EGFR: variants seen among roughly 807,000 people sequenced by gnomAD.
EGFR encodes epidermal growth factor receptor, also known as avian erythroblastic leukemia viral (v-erb-b) oncogene homolog.
In EGFR, 58 loss-of-function variants were observed where a neutral mutation model predicts 143.0. The observed-to-expected ratio is 0.41, with a 90% confidence interval of 0.33 to 0.50. The LOEUF is 0.50. Among genes scored for constraint, EGFR ranks in the 20% least tolerant of loss-of-function variants. The probability of loss-of-function intolerance (pLI) is 0.39; values close to 1 mark genes in which losing one functional copy is unlikely to be tolerated. For missense variants in EGFR, 1,307 were observed against 1,579.0 expected, an observed-to-expected ratio of 0.83 and a Z score of 2.92; for synonymous variants, 613 against 594.4, an observed-to-expected ratio of 1.03 and a Z score of -0.45.
intron 19 of EGFR, chr7:55,180,433 G>T (rs1786807007): frequency 6.6e-6 from 1 of 152,264 alleles, no homozygotes. Flanking sequence ...CTGTATTTAT[G>T]GCTCTGTCAA....
rs139975065 is a variant in EGFR at position 55,071,878 on chromosome 7, C to A, written c.88+52513C>A. On this transcript the variant is annotated intron_variant, in intron 1 of 27. Transcript: ENST00000275493. Reference sequence around the variant, plus strand: ...AGAATGTAGCTTATCTCTTTAAAGACAATTAACACAGTTTCTGGGCAAGGC... The same window carrying A: ...AGAATGTAGCTTATCTCTTTAAAGAAAATTAACACAGTTTCTGGGCAAGGC... Among the ~76,000 whole-genome samples the A allele has an allele frequency of 1.8e-3, 269 of 152,310 alleles. 1 individual carries two copies. Among genetic ancestry groups the A allele is most frequent in the African/African-American group, 6.2e-3 (258 of 41,572 alleles).
intron 1 of EGFR, among the ~76,000 whole-genome samples, chr7:55,031,764 T>A (rs1366312015): frequency 6.6e-6 from 1 of 152,220 alleles, no homozygotes; most frequent in African/African-American, 2.4e-5. Context: ...ATGGAGCCGA[T>A]GAGAATTGGG....
chr7:55,177,688 G>T (rs1446887761), intron 19 of EGFR, among the ~76,000 whole-genome samples: 1 of 152,186 alleles, frequency 6.6e-6, no homozygotes, highest in African/African-American at 2.4e-5. Flanking sequence ...CAGCAGTTAG[G>T]ACAAAATAAC....
At chr7:55,174,890 C>A in intron 19 of EGFR, 70 bp downstream of exon 19, 1 of 1,224,496 alleles carries the variant, frequency 8.2e-7, no homozygotes, top group Non-Finnish European at 1.2e-6. Context: ...TCATGTCTGG[C>A]AGCTGCTCTG....
At chr7:55,126,998 T>G (rs1437068666) in intron 1 of EGFR, among the ~76,000 whole-genome samples, 1 of 152,160 alleles carries the variant, frequency 6.6e-6, no homozygotes, top group Non-Finnish European at 1.5e-5. Flanking sequence ...TTGGGGGCAG[T>G]GCAAGTGTAT....
chr7:55,080,702 C>G lies in EGFR; in HGVS notation c.88+61337C>G, dbSNP rs754628138. Among the ~76,000 whole-genome samples, 227 of 152,150 alleles carry G rather than the reference C, an allele frequency of 1.5e-3. 1 individual carries two copies. Among genetic ancestry groups the G allele is most frequent in the Non-Finnish European group, 2.5e-3 (172 of 67,994 alleles). On this transcript the variant is annotated intron_variant, in intron 1 of 27. Coordinates refer to ENST00000275493, the MANE Select transcript of EGFR (RefSeq NM_005228.5). ...GAGTAGATTTTAAGTGTTCTCACCA[C>G]ACCAAAAAAAGGTATGTGCAGTAAT...
chr7:55,182,693 A>G (rs190311063), intron 20 of EGFR, among the ~76,000 whole-genome samples: 59 of 152,248 alleles, frequency 3.9e-4, no homozygotes, highest in Non-Finnish European at 5.9e-4. Flanking sequence ...ATCATCGGGC[A>G]TTGATATCTC....
At chr7:55,199,586 C>T (rs1441510544) in intron 23 of EGFR, among the ~76,000 whole-genome samples, 2 of 152,204 alleles carry the variant, frequency 1.3e-5, no homozygotes, top group Non-Finnish European at 2.9e-5. Flanking sequence ...TGTCTAAGGT[C>T]ACATAGCAGT....
rs1219568637 is a variant in EGFR at position 55,143,404 on chromosome 7, G to A, written c.340G>A (p.Glu114Lys). The A allele has an allele frequency of 1.9e-6, 3 of 1,614,058 alleles. No homozygotes were observed. The highest frequency in any genetic ancestry group is 2.5e-6 in the Non-Finnish European group (3 of 1,180,052). ...GATCATCAGAGGAAATATGTACTAC[G>A]AAAATTCCTATGCCTTAGCAGTCTT... ...LQIIRGNMYY[E>K]NSYALAVLSN... Residue 114 changes from glutamate to lysine, a missense_variant, in exon 3 of 28, where the codon GAA becomes AAA. Coordinates refer to ENST00000275493, the MANE Select transcript of EGFR (RefSeq NM_005228.5).
intron 1 of EGFR, among the ~76,000 whole-genome samples, chr7:55,078,983 AT>A (rs951480366): frequency 2.0e-5 from 3 of 152,010 alleles, no homozygotes; most frequent in African/African-American, 7.3e-5. Flanking sequence ...GGGTACTTCT[AT>A]TCCGTTTGGC....
chr7:55,166,213 G>T (rs1785973887), intron 15 of EGFR: 1 of 529,984 alleles, frequency 1.9e-6, no homozygotes, highest in African/African-American at 1.9e-5. Context: ...CTCTGATTGT[G>T]TGTATCTTAT....
chr7:55,037,968 T>C (rs533863359), intron 1 of EGFR, among the ~76,000 whole-genome samples: 2 of 152,130 alleles, frequency 1.3e-5, no homozygotes, highest in African/African-American at 2.4e-5. Flanking sequence ...GTTAGTCGGG[T>C]GCCTCTGCAC....
At chr7:55,104,866 T>C (rs547455197) in intron 1 of EGFR, among the ~76,000 whole-genome samples, 7 of 152,234 alleles carry the variant, frequency 4.6e-5, no homozygotes, top group Admixed American at 1.3e-4. Flanking sequence ...TTTATAGTCA[T>C]GTATTGCTTG....
At chr7:55,038,765 A>C (rs1787742236) in intron 1 of EGFR, among the ~76,000 whole-genome samples, 1 of 152,002 alleles carries the variant, frequency 6.6e-6, no homozygotes, top group African/African-American at 2.4e-5. Context: ...TGTGTATGTA[A>C]ACCTCACCTT....
chr7:55,130,632 G>C (rs768303579), intron 1 of EGFR, among the ~76,000 whole-genome samples: 5 of 152,286 alleles, frequency 3.3e-5, no homozygotes, highest in Non-Finnish European at 7.3e-5. Flanking sequence ...TTTAAAACAA[G>C]CGTTAAATGA....
chr7:55,033,450 C>T (rs149294416), intron 1 of EGFR, among the ~76,000 whole-genome samples: 228 of 152,246 alleles, frequency 1.5e-3, no homozygotes, highest in Non-Finnish European at 2.9e-3. Context: ...GGGATGCTGG[C>T]CATGCTGAGC....
At chr7:55,107,973 C>A (rs1479817979) in intron 1 of EGFR, among the ~76,000 whole-genome samples, 1 of 152,156 alleles carries the variant, frequency 6.6e-6, no homozygotes, top group Non-Finnish European at 1.5e-5. Flanking sequence ...ATAAAAGAAC[C>A]ATCTTTTTTC....
intron 1 of EGFR, among the ~76,000 whole-genome samples, chr7:55,077,427 A>G (rs1790190182): frequency 6.6e-6 from 1 of 152,342 alleles, no homozygotes; most frequent in South Asian, 2.1e-4. Context: ...TTTCATCACT[A>G]AATTTTCTGA....
At chr7:55,032,103 G>A (rs1257141409) in intron 1 of EGFR, among the ~76,000 whole-genome samples, 3 of 152,190 alleles carry the variant, frequency 2.0e-5, no homozygotes, top group African/African-American at 7.2e-5. Flanking sequence ...ACCACGTAAT[G>A]TTATTAACAG....
Sources: gnomAD v4.1 joint callset for allele counts (sites outside exome capture counted in the v4.1 genomes callset) on GRCh38, gnomAD v4.1.1 for gene constraint, MANE v1.5 for transcripts, NCBI Gene and HGNC (gene_info 2026-07-23, HGNC 2026-07-21) for gene names.